The following FSD2 variants were observed in gnomAD, a reference collection of about 807,000 sequenced individuals.
The protein encoded by FSD2 is fibronectin type III and SPRY domain containing 2.
In FSD2, 71 loss-of-function variants were observed where a neutral mutation model predicts 80.4. The ratio of observed to expected loss-of-function variants is 0.88; its 90% confidence interval spans 0.73 to 1.08. FSD2 has a LOEUF of 1.08. Among genes scored for constraint, FSD2 ranks in the 50% least tolerant of loss-of-function variants. The pLI is 0.00. For synonymous variants in FSD2, 361 were observed against 329.5 expected (o/e 1.10, Z -1.03); for missense variants, 923 against 913.8 (o/e 1.01, Z -0.13).
At chr15:82,774,221 C>T (rs1157348776) in intron 6 of FSD2, among the ~76,000 whole-genome samples, 1 of 152,062 alleles carries the variant, frequency 6.6e-6, no homozygotes, top group East Asian at 1.9e-4. Flanking sequence ...TATAGGTGTA[C>T]GGTGCCACAC....
At chr15:82,760,060 C>A (rs2049255981) in intron 12 of FSD2, among the ~76,000 whole-genome samples, 1 of 152,228 alleles carries the variant, frequency 6.6e-6, no homozygotes, top group East Asian at 1.9e-4. Context: ...TCCCAAAGTG[C>A]TGGGATTACA....
intron 1 of FSD2, among the ~76,000 whole-genome samples, chr15:82,794,717 G>C (rs1320554536): frequency 6.6e-6 from 1 of 150,482 alleles, no homozygotes; most frequent in Non-Finnish European, 1.5e-5. Context: ...TTGATGGATT[G>C]GCTCTTTTCT....
chr15:82,795,152 T>A (rs1392444599), intron 1 of FSD2, among the ~76,000 whole-genome samples: 1 of 152,242 alleles, frequency 6.6e-6, no homozygotes, highest in Non-Finnish European at 1.5e-5. Flanking sequence ...ACATGATTTA[T>A]CTTTTTCTAT....
Position 82,777,936 on chromosome 15 carries a change from T to C in FSD2, c.1111+830A>G, listed in dbSNP as rs191275257. Among the ~76,000 whole-genome samples the C allele has an allele frequency of 2.0e-5, 3 of 149,308 alleles. No homozygotes were observed. In the East Asian group the frequency reaches 5.9e-4, roughly 29 times the overall value. The stretch of plus-strand genomic sequence containing the variant: ...ATATACTGTTGGTGTGAATGTAAAA[T>C]CATGCAGCCACCATGGAAAACAGTA... On this transcript the variant is annotated intron_variant, in intron 6 of 12. Coordinates refer to ENST00000334574, the MANE Select transcript of FSD2 (RefSeq NM_001007122.4).
At chr15:82,779,664 C>CAA (rs1165686952) in intron 5 of FSD2, among the ~76,000 whole-genome samples, 41 of 97,952 alleles carry the variant, frequency 4.2e-4, no homozygotes, top group African/African-American at 1.2e-3. Flanking sequence ...GAAACTGTCT[C>CAA]AAAAAAAAAA....
In FSD2 at chr15:82,757,497, A is replaced by C. The variant is rs1349019735; in HGVS notation, c.*1851T>G. On this transcript the variant is annotated 3_prime_UTR_variant, in exon 13 of 13. Coordinates refer to ENST00000334574, the MANE Select transcript of FSD2 (RefSeq NM_001007122.4). Reference sequence around the variant, plus strand: ...CAGGCGCCCGCCACCAGTCCCGGCTAATTTTTTTGTATTTTTAGTAGAGAC... The same window carrying C: ...CAGGCGCCCGCCACCAGTCCCGGCTCATTTTTTTGTATTTTTAGTAGAGAC... The C allele has an allele frequency of 6.8e-6, 1 of 147,008 alleles. No individual in the cohort carries two copies. Among genetic ancestry groups the C allele is most frequent in the Non-Finnish European group, 1.5e-5 (1 of 65,742 alleles). 9.1% of individuals were successfully genotyped at this position (147,008 alleles called of 1,614,324 possible). A position where few individuals can be genotyped will look rare whatever the true frequency, so the allele number is the denominator to read the frequency against.
At position 82,787,158 on chromosome 15, in the gene FSD2, T is replaced by C. The variant is rs778758179; in HGVS notation, c.233A>G (p.Tyr78Cys). The change falls in exon 2 of 13, where the codon TAT (tyrosine) becomes TGT (cysteine). Residue 78 changes from tyrosine to cysteine, a missense_variant. Transcript: ENST00000334574. ...TAATTCATGATCATCTTCAAGTCCA[T>C]ATAAGTGGACAAGTTCATCCACTTC... ...QEEVDELVHLYGLEDDHELGD... is the reference protein window; with the variant it reads ...QEEVDELVHLCGLEDDHELGD... 5 of 1,613,870 alleles carry C rather than the reference T, an allele frequency of 3.1e-6. No individual in the cohort carries two copies. Among genetic ancestry groups the C allele is most frequent in the Non-Finnish European group, 4.2e-6 (5 of 1,179,896 alleles).
chr15:82,797,406 T>A (rs1779314820), intron 1 of FSD2, among the ~76,000 whole-genome samples: 1 of 152,238 alleles, frequency 6.6e-6, no homozygotes, highest in Non-Finnish European at 1.5e-5. Context: ...TGACCCTAAT[T>A]CCTGTTGCAG....
chr15:82,762,168 C>G lies in FSD2; in HGVS notation c.1931G>C (p.Arg644Pro), dbSNP rs372172201. 36 of 1,612,878 alleles carry G rather than the reference C, an allele frequency of 2.2e-5. No individual in the cohort carries two copies. Among genetic ancestry groups the G allele is most frequent in the Non-Finnish European group, 2.6e-5 (31 of 1,179,520 alleles). Residue 644 changes from arginine to proline, a missense_variant, in exon 12 of 13, where the codon CGT becomes CCT. Physicochemically the swap from Arg to Pro is moderately radical, Grantham distance 103. Transcript: ENST00000334574. The part of the protein sequence containing the change: ...YRVGVAFADV[R>P]KQEDLGANCL... ...ATTTGCTCCCAGATCCTCCTGTTTACGGACATCTGCAAAGGCCACACCAAC... is the reference window on the plus strand; with the variant it reads ...ATTTGCTCCCAGATCCTCCTGTTTAGGGACATCTGCAAAGGCCACACCAAC...
rs774248135 is a variant in FSD2, at chr15:82,759,542, G to T, written c.2056C>A (p.Pro686Thr). 2.7e-5 allele frequency: 43 copies of T among 1,606,824 alleles called. No homozygotes were observed. Among genetic ancestry groups the T allele is most frequent in the Middle Eastern group, 1.6e-4 (1 of 6,066 alleles). ...TTPDIRITVP[P>T]KKIGILLDYE... Reference sequence around the variant, plus strand: ...TCTAATAGAATGCCAATCTTCTTTGGTGGAACTGTTATTCTTATATCTGGA... The same window carrying T: ...TCTAATAGAATGCCAATCTTCTTTGTTGGAACTGTTATTCTTATATCTGGA... Residue 686 changes from proline (P) to threonine (T), a missense_variant, in exon 13 of 13, where the codon CCA (proline) becomes ACA (threonine). Physicochemically the swap from Pro to Thr is conservative, Grantham distance 38. Coordinates refer to ENST00000334574, the MANE Select transcript of FSD2 (RefSeq NM_001007122.4).
At chr15:82,770,004 A>G (rs1176971896) in intron 7 of FSD2, 120 bp from the exon 8 acceptor site, 1 of 1,067,866 alleles carries the variant, frequency 9.4e-7, no homozygotes, top group Non-Finnish European at 1.4e-6. Context: ...CCATCCCTGT[A>G]TGCACTCCCT....
chr15:82,796,782 C>G (rs954714090), intron 1 of FSD2, among the ~76,000 whole-genome samples: 2 of 152,020 alleles, frequency 1.3e-5, no homozygotes, highest in African/African-American at 4.8e-5. Flanking sequence ...AATCTGTATG[C>G]GAAGACTTTC....
At chr15:82,785,319 AT>A (rs993129071) in intron 3 of FSD2, among the ~76,000 whole-genome samples, 22 of 144,948 alleles carry the variant, frequency 1.5e-4, no homozygotes, top group Admixed American at 8.4e-4. Flanking sequence ...TTATTTATTT[AT>A]TTATTTATTT....
At position 82,765,927 on chromosome 15, in the gene FSD2, C is replaced by T. The variant is rs1330606951; in HGVS notation, c.1658G>A (p.Arg553Lys). The T allele has an allele frequency of 4.3e-6, 7 of 1,610,400 alleles. No individual in the cohort carries two copies. The highest frequency in any genetic ancestry group is 3.4e-5 in the Admixed American group (2 of 59,612). ...GGTGTGGACTGTAGCTGGCTCGCTCCTCACGCTGGGGCCCCCCATATTGAG... is the reference window on the plus strand; with the variant it reads ...GGTGTGGACTGTAGCTGGCTCGCTCTTCACGCTGGGGCCCCCCATATTGAG... ...RALNMGGPSV[R>K]SEPATVHTIG... Residue 553 changes from arginine to lysine, a missense_variant, in exon 10 of 13, where the codon AGG becomes AAG. Physicochemically the swap from Arg to Lys is conservative, Grantham distance 26. Transcript: ENST00000334574.
At position 82,758,423 on chromosome 15, in the gene FSD2, C is replaced by G. The variant is rs962764269; in HGVS notation, c.*925G>C. 1 of 152,836 alleles carries G rather than the reference C, an allele frequency of 6.5e-6. No individual in the cohort carries two copies. Among genetic ancestry groups the G allele is most frequent in the African/African-American group, 2.4e-5 (1 of 41,448 alleles). The allele number at this position is 152,836 out of a possible 1,614,324, so 9.5% of individuals were successfully genotyped here. ...CTAGCTAGAGATCAGTCTTCCTTCC[C>G]GTGCTCAGCTTTGCCCTTTGGTGGG... On this transcript the variant is annotated 3_prime_UTR_variant, in exon 13 of 13. Coordinates refer to ENST00000334574, the MANE Select transcript of FSD2 (RefSeq NM_001007122.4).
intron 6 of FSD2, among the ~76,000 whole-genome samples, chr15:82,773,577 G>T (rs1354387253): frequency 6.6e-6 from 1 of 152,188 alleles, no homozygotes; most frequent in Non-Finnish European, 1.5e-5. Context: ...GGGCAATAGT[G>T]CTTTTCCTTC....
intron 9 of FSD2, among the ~76,000 whole-genome samples, chr15:82,766,379 A>T (rs1267682023): frequency 6.6e-6 from 1 of 152,116 alleles, no homozygotes; most frequent in East Asian, 1.9e-4. Context: ...TCCGTCTGTT[A>T]GGATCATAAT....
intron 1 of FSD2, among the ~76,000 whole-genome samples, chr15:82,796,999 A>G (rs1284155504): frequency 6.7e-6 from 1 of 148,192 alleles, no homozygotes; most frequent in African/African-American, 2.5e-5. Flanking sequence ...ATTGCACTGT[A>G]AGATTTCATT....
chr15:82,768,590 C>T (rs2049479240), intron 9 of FSD2, among the ~76,000 whole-genome samples: 1 of 142,628 alleles, frequency 7.0e-6, no homozygotes, highest in Non-Finnish European at 1.5e-5. Flanking sequence ...GCACTCAATG[C>T]ATGTTGAATG....
Sources: gnomAD v4.1 joint callset for allele counts (sites outside exome capture counted in the v4.1 genomes callset) on GRCh38, gnomAD v4.1.1 for gene constraint, MANE v1.5 for transcripts, NCBI Gene and HGNC (gene_info 2026-07-23, HGNC 2026-07-21) for gene names.